Variants in SRSF11 observed in about 807,000 individuals in gnomAD.
SRSF11 encodes serine/arginine-rich splicing factor 11.
In SRSF11, 9 loss-of-function variants were observed where a neutral mutation model predicts 56.0. The observed-to-expected ratio is 0.16, with a 90% CI of 0.10 to 0.28. The LOEUF is 0.28. SRSF11 is among the 10% of genes least tolerant of loss of function. SRSF11 has a pLI of 1.00. For missense variants in SRSF11, 421 were observed against 600.7 expected, an observed-to-expected ratio of 0.70 and a Z score of 3.13; for synonymous variants, 222 against 215.3, an observed-to-expected ratio of 1.03 and a Z score of -0.27.
intron 2 of SRSF11, chr1:70,230,114 A>G (rs1672565957): frequency 1.0e-6 from 1 of 983,624 alleles, no homozygotes; most frequent in South Asian, 4.7e-5. Context: ...GCTAAGTATT[A>G]TAGTTCCCAA....
At chr1:70,241,706 A>G (rs1227806945) in intron 7 of SRSF11, among the ~76,000 whole-genome samples, 1 of 152,138 alleles carries the variant, frequency 6.6e-6, no homozygotes, top group Non-Finnish European at 1.5e-5. Flanking sequence ...GCTTTTCCAC[A>G]TCTTCCATTT....
In SRSF11 at chr1:70,235,590, CTGAA is replaced by C. The variant is rs1454892852; in HGVS notation, c.590+43_590+46del. 4 of 1,585,118 alleles carry C rather than the reference CTGAA, an allele frequency of 2.5e-6. No individual in the cohort carries two copies. The Admixed American group carries it at 7.6e-5, about 30-fold the overall frequency. ...TTTGTTTTCATTGGTGATGTGGTAT[CTGAA>C]TGTCTACAGAATTAGAGTTTTTTTG... On this transcript the variant is annotated intron_variant, in intron 5 of 11. Coordinates refer to ENST00000370949, the MANE Select transcript of SRSF11 (RefSeq NM_001350605.2).
chr1:70,231,628 C>T, intron 2 of SRSF11: 2 of 1,172,408 alleles, frequency 1.7e-6, no homozygotes, highest in Non-Finnish European at 2.1e-6. Flanking sequence ...ATGCACACAT[C>T]CTGTGTGTAT....
At position 70,221,719 on chromosome 1, in the gene SRSF11, G is replaced by A. The variant is rs1162076589; in HGVS notation, c.83G>A (p.Gly28Glu). ...GGTGGCGGAGGTGGTGGTGGCGGCGGAGGCGGCGGCACCGAGGTAATCCAG... is the reference window on the plus strand; with the variant it reads ...GGTGGCGGAGGTGGTGGTGGCGGCGAAGGCGGCGGCACCGAGGTAATCCAG... ...GPGGGGGGGG[G>E]GGGTEVIQVT... Residue 28 changes from glycine (G) to glutamate (E), a missense_variant, in exon 1 of 12, where the codon GGA (glycine) becomes GAA (glutamate). Gly to Glu is a moderately conservative substitution (Grantham distance 98). Coordinates refer to ENST00000370949, the MANE Select transcript of SRSF11 (RefSeq NM_001350605.2). The A allele has an allele frequency of 6.2e-7, 1 of 1,613,798 alleles. No individual in the cohort carries two copies. The highest frequency in any genetic ancestry group is 8.5e-7 in the Non-Finnish European group (1 of 1,179,734).
intron 1 of SRSF11, among the ~76,000 whole-genome samples, chr1:70,211,425 G>A (rs1669551820): frequency 6.6e-6 from 1 of 152,040 alleles, no homozygotes; most frequent in Admixed American, 6.6e-5. Flanking sequence ...GGCAAATACT[G>A]TTTATGTAGC....
At chr1:70,218,014 G>T (rs959060701), upstream of SRSF11, among the ~76,000 whole-genome samples, 1 of 151,982 alleles carries the variant, frequency 6.6e-6, no homozygotes, top group Non-Finnish European at 1.5e-5. Flanking sequence ...TTTTGAGACG[G>T]AGTCTTGCTC....
chr1:70,212,586 A>T (rs1322765629), intron 1 of SRSF11, among the ~76,000 whole-genome samples: 1 of 152,130 alleles, frequency 6.6e-6, no homozygotes, highest in Admixed American at 6.6e-5. Flanking sequence ...AGATAGGTAC[A>T]GTTGTTTGTG....
rs112343589 is a variant in SRSF11, at chr1:70,208,325, G to GGT, written c.-26+2567_-26+2568dup. ...TACTAGTTACTGTAATACAGTGTAT[G>GGT]GTGTGTGTGTGTGTGTGTGTGTGAG... On this transcript the variant is annotated intron_variant, in intron 1 of 12. Coordinates refer to the SRSF11 transcript ENST00000370950. Among the ~76,000 whole-genome samples, 1,390 of 148,432 alleles carry GGT rather than the reference G, an allele frequency of 9.4e-3. 9 individuals are homozygous for GGT. Among genetic ancestry groups the GGT allele is most frequent in the African/African-American group, 0.022 (901 of 40,726 alleles).
chr1:70,235,369 G>T, intron 4 of SRSF11, 132 bp from the exon 5 acceptor site: 3 of 696,486 alleles, frequency 4.3e-6, no homozygotes, highest in Non-Finnish European at 7.0e-6. Context: ...CTTTTTTAAT[G>T]TGGCTACTAA....
chr1:70,236,414 T>A (rs2100815667), intron 5 of SRSF11, among the ~76,000 whole-genome samples: 1 of 145,560 alleles, frequency 6.9e-6, no homozygotes, highest in African/African-American at 2.5e-5. Context: ...CACTGCAACC[T>A]CCGCCTCCCA....
At chr1:70,246,068 G>A (rs1676673756) in intron 8 of SRSF11, among the ~76,000 whole-genome samples, 1 of 152,096 alleles carries the variant, frequency 6.6e-6, no homozygotes, top group African/African-American at 2.4e-5. Flanking sequence ...ATGCAGAATG[G>A]AAAGATTAGC....
Position 70,231,172 on chromosome 1 carries a change from A to T in SRSF11, c.338-1096A>T, listed in dbSNP as rs1408112353. ...ACCCAACAGTTTTCTTCTGCAGCTT[A>T]TCCAGTTTCTCTTAAGTGCCCTGTA... On this transcript the variant is annotated intron_variant, in intron 2 of 11. Transcript: ENST00000370949. 5 of 1,287,524 alleles carry T rather than the reference A, an allele frequency of 3.9e-6. No homozygotes were observed. The East Asian group carries it at 2.8e-4, about 71-fold the overall frequency. The allele number at this position is 1,287,524 out of a possible 1,614,324, so 79.8% of individuals were successfully genotyped here. A position where few individuals can be genotyped will look rare whatever the true frequency, so the allele number is the denominator to read the frequency against.
intron 9 of SRSF11, among the ~76,000 whole-genome samples, chr1:70,247,444 G>C (rs913952294): frequency 2.6e-5 from 4 of 151,966 alleles, no homozygotes; most frequent in Non-Finnish European, 5.9e-5. Context: ...GTAAGGGCTG[G>C]ACTTCATTCC....
At chr1:70,234,633 A>G (rs1238129290) in intron 3 of SRSF11, 63 bp from the exon 4 acceptor site, 4 of 1,359,922 alleles carry the variant, frequency 2.9e-6, no homozygotes, top group East Asian at 2.4e-5. Context: ...TTAAAAAAGT[A>G]TTAACCCCTG....
At chr1:70,228,705 AT>A (rs1323978075) in intron 2 of SRSF11, 150 bp downstream of exon 2, 19 of 1,318,686 alleles carry the variant, frequency 1.4e-5, no homozygotes, top group South Asian at 1.3e-4. Context: ...TTGCTTGCAG[AT>A]TTTTTTTAAT....
chr1:70,250,903 A>T lies in SRSF11; in HGVS notation c.*98A>T. ...ATTTGTTCATCTCAAACCTAGATGT[A>T]TACAGCTCTGAGTTATAAATGGTTA... On this transcript the variant is annotated 3_prime_UTR_variant, in exon 12 of 12. Transcript: ENST00000370949. 9.6e-7 allele frequency: 1 copy of T among 1,041,160 alleles called. No individual in the cohort carries two copies. Among genetic ancestry groups the T allele is most frequent in the South Asian group, 1.5e-5 (1 of 68,318 alleles). The allele number at this position is 1,041,160 out of a possible 1,614,324, so 64.5% of individuals were successfully genotyped here. A position where few individuals can be genotyped will look rare whatever the true frequency, so the allele number is the denominator to read the frequency against.
In SRSF11 at chr1:70,222,651, A is replaced by G. The variant is rs2297485; in HGVS notation, c.203+812A>G. On this transcript the variant is annotated intron_variant, in intron 1 of 11. Transcript: ENST00000370949. Reference sequence around the variant, plus strand: ...ACTAAAACAGACAATTGGAATAATAATAATAGTCTTGTGCTTTTTGGAAGA... The same window carrying G: ...ACTAAAACAGACAATTGGAATAATAGTAATAGTCTTGTGCTTTTTGGAAGA... The G allele has an allele frequency of 4.6e-5, 7 of 152,362 alleles. No homozygotes were observed. The East Asian group carries it at 1.3e-3, about 29-fold the overall frequency. The allele number at this position is 152,362 out of a possible 1,614,324, so 9.4% of individuals were successfully genotyped here. A position where few individuals can be genotyped will look rare whatever the true frequency, so the allele number is the denominator to read the frequency against.
chr1:70,226,944 A>G (rs1671912308), intron 1 of SRSF11, among the ~76,000 whole-genome samples: 1 of 152,246 alleles, frequency 6.6e-6, no homozygotes, highest in Non-Finnish European at 1.5e-5. Flanking sequence ...TTCTTTAAGA[A>G]ACATTCAACA....
At chr1:70,249,911 C>G in intron 9 of SRSF11, 41 bp from the exon 10 acceptor site, 1 of 1,584,410 alleles carries the variant, frequency 6.3e-7, no homozygotes, top group South Asian at 1.1e-5. Flanking sequence ...TTTAAGATCA[C>G]ACTGTATTTT....
Sources: gnomAD v4.1 joint callset for allele counts (sites outside exome capture counted in the v4.1 genomes callset) on GRCh38, gnomAD v4.1.1 for gene constraint, MANE v1.5 for transcripts, NCBI Gene and HGNC (gene_info 2026-07-23, HGNC 2026-07-21) for gene names.